Variants in DOCK1 observed in about 807,000 individuals in gnomAD.
DOCK1 encodes the protein dedicator of cytokinesis protein 1.
Under a neutral mutation model 262.7 loss-of-function variants are expected in DOCK1, and 138 were observed. The ratio of observed to expected loss-of-function variants is 0.53; its 90% CI spans 0.46 to 0.61. The LOEUF (loss-of-function observed/expected upper bound fraction) is 0.61, where lower values mean the gene tolerates loss of function less well. Among genes scored for constraint, DOCK1 ranks in the 20% least tolerant of loss-of-function variants. The pLI, the probability that DOCK1 is intolerant of heterozygous loss-of-function variation, is 0.00. For synonymous variants in DOCK1, 866 were observed against 867.4 expected, an observed-to-expected ratio of 1.00 and a Z score of 0.03; for missense variants, 1,908 against 2,370.7, an observed-to-expected ratio of 0.80 and a Z score of 4.05.
At chr10:127,157,229 A>T (rs940549549) in intron 27 of DOCK1, among the ~76,000 whole-genome samples, 1 of 152,224 alleles carries the variant, frequency 6.6e-6, no homozygotes, top group Non-Finnish European at 1.5e-5. Flanking sequence ...GCAGTCAGTC[A>T]TCTGTTGACC....
intron 19 of DOCK1, among the ~76,000 whole-genome samples, chr10:127,041,280 A>G (rs2043996142): frequency 6.6e-6 from 1 of 152,098 alleles, no homozygotes; most frequent in Non-Finnish European, 1.5e-5. Flanking sequence ...TATTTTTAGT[A>G]GAGATGGGGG....
intron 1 of DOCK1, among the ~76,000 whole-genome samples, chr10:126,946,856 T>G (rs2035450751): frequency 6.6e-6 from 1 of 152,240 alleles, no homozygotes; most frequent in African/African-American, 2.4e-5. Context: ...ATTTGACTGT[T>G]GTGAACAACT....
chr10:127,430,088 C>T (rs970185839), intron 47 of DOCK1, among the ~76,000 whole-genome samples: 24 of 152,290 alleles, frequency 1.6e-4, no homozygotes, highest in African/African-American at 5.5e-4. Context: ...TCACAACACC[C>T]GCTGGCCACC....
chr10:127,041,027 G>A (rs115533473), intron 19 of DOCK1, among the ~76,000 whole-genome samples: 1,889 of 152,136 alleles, frequency 0.012, 29 homozygotes, highest in African/African-American at 0.034. Flanking sequence ...TTTGTGTCTG[G>A]CTTCTCTCAC....
chr10:126,911,521 G>A (rs957210082), intron 1 of DOCK1, among the ~76,000 whole-genome samples: 4 of 152,142 alleles, frequency 2.6e-5, no homozygotes, highest in African/African-American at 9.7e-5. Context: ...GTCAAGATGC[G>A]GTTGTCAAGA....
chr10:127,270,513 C>A lies in DOCK1; in HGVS notation c.3044+13084C>A, dbSNP rs74158645. 3.0e-3 allele frequency among the ~76,000 whole-genome samples: 456 copies of A among 152,294 alleles called. 4 individuals are homozygous for A. Among genetic ancestry groups the A allele is most frequent in the African/African-American group, 0.011 (444 of 41,554 alleles). On this transcript the variant is annotated intron_variant, in intron 29 of 51. Coordinates refer to ENST00000623213, the MANE Select transcript of DOCK1 (RefSeq NM_001290223.2). ...GTGCCACCCAGCACAGAAAATGCCA[C>A]ATGGCTGACTTTCCTCCCTCCCTCC... is the stretch of plus-strand genomic sequence containing the variant.
intron 18 of DOCK1, 135 bp downstream of exon 18, chr10:127,032,455 G>A (rs191947143): frequency 3.9e-4 from 369 of 934,290 alleles, no homozygotes; most frequent in Non-Finnish European, 3.6e-4. Context: ...GCATCGGGCT[G>A]TGATGATTTA....
chr10:126,933,481 G>A (rs1245964883), intron 1 of DOCK1, among the ~76,000 whole-genome samples: 2 of 152,276 alleles, frequency 1.3e-5, no homozygotes, highest in Admixed American at 6.5e-5. Flanking sequence ...GAATGCACAA[G>A]GATTCTGTAG....
At chr10:127,286,948 TCA>T (rs2061176517) in intron 29 of DOCK1, among the ~76,000 whole-genome samples, 1 of 151,642 alleles carries the variant, frequency 6.6e-6, no homozygotes, top group Non-Finnish European at 1.5e-5. Flanking sequence ...CAATCTCGGC[TCA>T]CTGCAAGTTC....
At chr10:127,081,918 A>G (rs1194221928) in intron 23 of DOCK1, among the ~76,000 whole-genome samples, 3 of 152,170 alleles carry the variant, frequency 2.0e-5, no homozygotes, top group Non-Finnish European at 4.4e-5. Context: ...TCGCCACCCC[A>G]GTGATCTCCC....
chr10:127,433,403 A>G lies in DOCK1; in HGVS notation c.5035A>G (p.Thr1679Ala). Residue 1679 changes from threonine to alanine, a missense_variant, in exon 48 of 52, where the codon ACC becomes GCC. Thr to Ala is a moderately conservative substitution (Grantham distance 58). Transcript: ENST00000623213. ...ASVSSLSSDS[T>A]PSRPGSDGFA... ...TGTCTCTTCCCTCTCATCGGACAGCACCCCTTCCAGACCAGGCTCCGACGG... is the reference window on the plus strand; with the variant it reads ...TGTCTCTTCCCTCTCATCGGACAGCGCCCCTTCCAGACCAGGCTCCGACGG... 6.2e-7 allele frequency: 1 copy of G among 1,613,726 alleles called. No homozygotes were observed. Among genetic ancestry groups the G allele is most frequent in the Non-Finnish European group, 8.5e-7 (1 of 1,179,858 alleles).
chr10:127,115,006 C>T (rs2049094945), intron 25 of DOCK1, among the ~76,000 whole-genome samples: 1 of 152,180 alleles, frequency 6.6e-6, no homozygotes, highest in African/African-American at 2.4e-5. Flanking sequence ...CCACCCTCCT[C>T]AGCCTCCCAT....
At chr10:126,950,089 T>G (rs1003036846) in intron 1 of DOCK1, among the ~76,000 whole-genome samples, 5 of 151,872 alleles carry the variant, frequency 3.3e-5, no homozygotes, top group Non-Finnish European at 5.9e-5. Context: ...TGGGAATGAG[T>G]AGTAATCCCT....
rs2070556745 is a variant in DOCK1, at chr10:127,446,386, T to G, written c.5414-1008T>G. ...GAAATGTTTCAGAAATACATCATGGTGATGGTTATCCCCCACGGTCGATGT... is the reference window on the plus strand; with the variant it reads ...GAAATGTTTCAGAAATACATCATGGGGATGGTTATCCCCCACGGTCGATGT... On this transcript the variant is annotated intron_variant, in intron 50 of 51. Transcript: ENST00000623213. This position sits in a 1 kb window ranked among gnomAD's most constrained non-coding sequence, Gnocchi z 4.4. Among the ~76,000 whole-genome samples the G allele has an allele frequency of 6.6e-6, 1 of 152,172 alleles. No individual in the cohort carries two copies. Among genetic ancestry groups the G allele is most frequent in the South Asian group, 2.1e-4 (1 of 4,832 alleles).
At chr10:127,346,966 C>G (rs1254682503) in intron 31 of DOCK1, among the ~76,000 whole-genome samples, 1 of 152,192 alleles carries the variant, frequency 6.6e-6, no homozygotes, top group Non-Finnish European at 1.5e-5. Flanking sequence ...CAGGACAAAG[C>G]CCCCGGAGCC....
chr10:126,963,581 C>CTCCTT (rs2037395394), intron 1 of DOCK1, among the ~76,000 whole-genome samples: 1 of 67,810 alleles, frequency 1.5e-5, no homozygotes, highest in East Asian at 4.6e-4. Flanking sequence ...CTCTCCTTCC[C>CTCCTT]TCCCTTCCCT....
chr10:127,313,886 A>C (rs1202996842), intron 29 of DOCK1, among the ~76,000 whole-genome samples: 1 of 126,984 alleles, frequency 7.9e-6, no homozygotes, highest in Non-Finnish European at 1.6e-5. Context: ...GCTTGCTCGT[A>C]TTTGTTTGAT....
At chr10:127,037,470 A>G (rs968924510) in intron 18 of DOCK1, among the ~76,000 whole-genome samples, 1 of 152,202 alleles carries the variant, frequency 6.6e-6, no homozygotes, top group African/African-American at 2.4e-5. Context: ...AGTTTCCCAA[A>G]TGCACTTTTA....
At chr10:127,302,704 G>C (rs2061723314) in intron 29 of DOCK1, among the ~76,000 whole-genome samples, 1 of 150,860 alleles carries the variant, frequency 6.6e-6, no homozygotes, top group Non-Finnish European at 1.5e-5. Flanking sequence ...ACTATTCTAT[G>C]CATAGGGACA....
Sources: gnomAD v4.1 joint callset for allele counts (sites outside exome capture counted in the v4.1 genomes callset) on GRCh38, gnomAD v4.1.1 for gene constraint, Gnocchi (gnomAD v3.1) non-coding constraint, MANE v1.5 for transcripts, NCBI Gene and HGNC (gene_info 2026-07-23, HGNC 2026-07-21) for gene names.